The following MDGA2 variants were observed in gnomAD, a reference collection of about 807,000 sequenced individuals.
The protein encoded by MDGA2 is MAM domain-containing glycosylphosphatidylinositol anchor protein 2.
In MDGA2, 40 loss-of-function variants were observed where a neutral mutation model predicts 117.8. The observed-to-expected ratio is 0.34, with a 90% CI of 0.26 to 0.44. MDGA2 has a LOEUF of 0.44. Among genes scored for constraint, MDGA2 ranks in the 20% least tolerant of loss-of-function variants. The pLI, the probability that MDGA2 is intolerant of heterozygous loss-of-function variation, is 1.00. For missense variants in MDGA2, 1,123 were observed against 1,250.6 expected (o/e 0.90, Z 1.54); for synonymous variants, 452 against 439.0 (o/e 1.03, Z -0.37).
intron 1 of MDGA2, among the ~76,000 whole-genome samples, chr14:47,445,212 T>C (rs535258784): frequency 1.3e-5 from 2 of 152,194 alleles, no homozygotes; most frequent in Admixed American, 6.5e-5. Context: ...AGTTCAGTGG[T>C]AGGGCATTTG....
chr14:47,381,264 G>A (rs1249485658), intron 1 of MDGA2, among the ~76,000 whole-genome samples: 1 of 152,084 alleles, frequency 6.6e-6, no homozygotes, highest in African/African-American at 2.4e-5. Flanking sequence ...ATACTGAATG[G>A]GCAAAAACTG....
chr14:46,841,701 C>T lies in MDGA2; in HGVS notation c.*230G>A, dbSNP rs28624505. 0.015 allele frequency: 3,915 copies of T among 268,542 alleles called. 150 individuals are homozygous for T. The highest frequency in any genetic ancestry group is 0.081 in the African/African-American group (3,539 of 43,722). The allele number at this position is 268,542 out of a possible 1,614,324, so 16.6% of individuals were successfully genotyped here. ...TAGCCACAAAAGCACCTGAAGGTCTCTTCTCTACTCAGGTCAAGATTATCT... is the reference window on the plus strand; with the variant it reads ...TAGCCACAAAAGCACCTGAAGGTCTTTTCTCTACTCAGGTCAAGATTATCT... On this transcript the variant is annotated 3_prime_UTR_variant, in exon 17 of 17. Transcript: ENST00000399232.
intron 1 of MDGA2, among the ~76,000 whole-genome samples, chr14:47,504,978 A>T (rs1894481175): frequency 6.6e-6 from 1 of 152,176 alleles, no homozygotes; most frequent in South Asian, 2.1e-4. Flanking sequence ...GATAAAAAAA[A>T]TGTGCTGTAT....
intron 1 of MDGA2, among the ~76,000 whole-genome samples, chr14:47,656,967 C>A (rs1401128818): frequency 2.6e-5 from 4 of 152,102 alleles, no homozygotes; most frequent in African/African-American, 4.8e-5. Context: ...ATCCTTTGTA[C>A]CTTTTCAGGA....
chr14:47,248,071 A>T, intron 2 of MDGA2, among the ~76,000 whole-genome samples: 1 of 151,650 alleles, frequency 6.6e-6, no homozygotes, highest in Non-Finnish European at 1.5e-5. Flanking sequence ...ATTGGTTCCA[A>T]GTCTCTGCTA....
At chr14:47,553,626 A>G (rs1406339460) in intron 1 of MDGA2, among the ~76,000 whole-genome samples, 2 of 152,208 alleles carry the variant, frequency 1.3e-5, no homozygotes, top group Non-Finnish European at 2.9e-5. Context: ...ATATTTTCCT[A>G]CATATACATT....
intron 5 of MDGA2, among the ~76,000 whole-genome samples, chr14:47,129,942 TG>T (rs1477573572): frequency 6.7e-6 from 1 of 149,426 alleles, no homozygotes; most frequent in Non-Finnish European, 1.5e-5. Flanking sequence ...TGGGGTTGTT[TG>T]TTTTTTTCTT....
intron 1 of MDGA2, among the ~76,000 whole-genome samples, chr14:47,422,869 C>CT (rs1892607289): frequency 6.6e-6 from 1 of 152,126 alleles, no homozygotes; most frequent in South Asian, 2.1e-4. Flanking sequence ...ACTCGAAACC[C>CT]TAGAAACATA....
intron 8 of MDGA2, among the ~76,000 whole-genome samples, chr14:47,023,213 A>G (rs981554425): frequency 8.5e-4 from 129 of 151,554 alleles, no homozygotes; most frequent in African/African-American, 2.9e-3. Context: ...AAAAAAAAAA[A>G]AAAAGAAAAA....
At chr14:46,954,310 C>T (rs115611197) in intron 9 of MDGA2, among the ~76,000 whole-genome samples, 1 of 151,902 alleles carries the variant, frequency 6.6e-6, no homozygotes, top group African/African-American at 2.4e-5. Context: ...TTCTATTCAT[C>T]TCGTATAATT....
At chr14:47,502,743 T>C (rs544959709) in intron 1 of MDGA2, among the ~76,000 whole-genome samples, 3 of 152,112 alleles carry the variant, frequency 2.0e-5, no homozygotes, top group South Asian at 2.1e-4. Flanking sequence ...GGCGTGATCA[T>C]AGATCACTGC....
At chr14:47,096,724 T>A in intron 6 of MDGA2, 130 bp downstream of exon 6, 1 of 917,640 alleles carries the variant, frequency 1.1e-6, no homozygotes, top group Non-Finnish European at 1.7e-6. Context: ...CATTATTATT[T>A]ATACATGATT....
chr14:47,203,309 C>T (rs564174379), intron 3 of MDGA2, among the ~76,000 whole-genome samples: 2 of 151,804 alleles, frequency 1.3e-5, no homozygotes, highest in Non-Finnish European at 2.9e-5. Flanking sequence ...AAGGGGGATG[C>T]TATTTGTCAT....
chr14:47,440,009 C>A (rs962523801), intron 1 of MDGA2, among the ~76,000 whole-genome samples: 1 of 151,984 alleles, frequency 6.6e-6, no homozygotes, highest in African/African-American at 2.4e-5. Flanking sequence ...CTGGTGTGCA[C>A]TGTTCCTACC....
chr14:47,361,879 T>TA (rs752192172), intron 1 of MDGA2, among the ~76,000 whole-genome samples: 13 of 152,194 alleles, frequency 8.5e-5, no homozygotes, highest in Non-Finnish European at 1.5e-4. Flanking sequence ...AAGCTGGAAT[T>TA]ACCTAATTCG....
intron 1 of MDGA2, among the ~76,000 whole-genome samples, chr14:47,505,595 C>A: frequency 6.6e-6 from 1 of 151,900 alleles, no homozygotes; most frequent in East Asian, 1.9e-4. Flanking sequence ...TTTAATAATC[C>A]ATTCTAGTAA....
intron 1 of MDGA2, among the ~76,000 whole-genome samples, chr14:47,307,471 A>T (rs1483535496): frequency 6.6e-6 from 1 of 152,134 alleles, no homozygotes; most frequent in African/African-American, 2.4e-5. Flanking sequence ...ACCTGAGGTC[A>T]GGAGTTTGAG....
At chr14:47,008,597 G>A (rs1887792248) in intron 8 of MDGA2, among the ~76,000 whole-genome samples, 2 of 151,832 alleles carry the variant, frequency 1.3e-5, no homozygotes, top group Admixed American at 6.6e-5. Flanking sequence ...GGGATGAAAT[G>A]GCACTGCTCT....
At chr14:47,312,961 C>T (rs943861726) in intron 1 of MDGA2, among the ~76,000 whole-genome samples, 2 of 149,328 alleles carry the variant, frequency 1.3e-5, no homozygotes, top group African/African-American at 4.9e-5. Context: ...TTCTCTAATA[C>T]AAACTGCTAA....
Sources: allele counts gnomAD v4.1 joint callset (sites outside exome capture counted in the v4.1 genomes callset), GRCh38; gene constraint gnomAD v4.1.1; transcripts MANE v1.5; gene names NCBI Gene and HGNC (gene_info 2026-07-23, HGNC 2026-07-21).